Variants in CTNNA2 observed in about 807,000 individuals in gnomAD.
The protein encoded by CTNNA2 is catenin alpha-2.
Under a neutral mutation model 101.0 loss-of-function variants are expected in CTNNA2, and 42 were observed. The ratio of observed to expected loss-of-function variants is 0.42; its 90% CI spans 0.32 to 0.54. The LOEUF (loss-of-function observed/expected upper bound fraction) is 0.54. Among genes scored for constraint, CTNNA2 ranks in the 20% least tolerant of loss-of-function variants. The pLI, the probability that CTNNA2 is intolerant of heterozygous loss-of-function variation, is 0.14. For synonymous variants in CTNNA2, 450 were observed against 456.4 expected (o/e 0.99, Z 0.18); for missense variants, 871 against 1,223.1 (o/e 0.71, Z 4.29).
intron 2 of CTNNA2, among the ~76,000 whole-genome samples, chr2:79,278,719 G>A (rs994324104): frequency 1.3e-5 from 2 of 152,098 alleles, no homozygotes; most frequent in Non-Finnish European, 2.9e-5. Flanking sequence ...TAATTGCCTA[G>A]ACCAACTTGA....
intron 2 of CTNNA2, among the ~76,000 whole-genome samples, chr2:79,295,674 CT>C (rs1018781816): frequency 4.6e-5 from 7 of 151,926 alleles, no homozygotes; most frequent in African/African-American, 1.7e-4. Flanking sequence ...TGGTCAATAG[CT>C]GGGGAATGAA....
At chr2:80,362,045 A>G (rs576292389) in intron 7 of CTNNA2, among the ~76,000 whole-genome samples, 38 of 152,282 alleles carry the variant, frequency 2.5e-4, no homozygotes, top group Non-Finnish European at 4.7e-4. Flanking sequence ...TAGGGTGACC[A>G]TCTGTTTTAG....
intron 3 of CTNNA2, among the ~76,000 whole-genome samples, chr2:79,366,996 C>A (rs1007249263): frequency 3.3e-5 from 5 of 152,166 alleles, no homozygotes; most frequent in East Asian, 1.9e-4. Context: ...TATGTTTAAA[C>A]CCTAATCTCC....
intron 7 of CTNNA2, among the ~76,000 whole-genome samples, chr2:80,154,393 G>A (rs1346764578): frequency 2.0e-5 from 3 of 152,172 alleles, no homozygotes; most frequent in South Asian, 2.1e-4. Context: ...TACTGCTACC[G>A]GGGAGATAGC....
chr2:80,175,840 T>G (rs1453071592), intron 7 of CTNNA2, among the ~76,000 whole-genome samples: 1 of 152,200 alleles, frequency 6.6e-6, no homozygotes. Context: ...GTTGTAGGTC[T>G]AATAGTTCAA....
At chr2:80,439,500 GC>G (rs1277814446) in intron 9 of CTNNA2, among the ~76,000 whole-genome samples, 2 of 152,134 alleles carry the variant, frequency 1.3e-5, no homozygotes, top group Non-Finnish European at 2.9e-5. Context: ...CTGGGTTCAA[GC>G]AATTCTCCTG....
At chr2:80,454,903 C>G (rs1357141617) in intron 9 of CTNNA2, among the ~76,000 whole-genome samples, 1 of 152,218 alleles carries the variant, frequency 6.6e-6, no homozygotes, top group Non-Finnish European at 1.5e-5. Flanking sequence ...AGGCCCAGAG[C>G]CAAAGGTCAG....
chr2:79,798,830 A>G (rs1675924524), intron 3 of CTNNA2, among the ~76,000 whole-genome samples: 1 of 152,190 alleles, frequency 6.6e-6, no homozygotes, highest in Non-Finnish European at 1.5e-5. Flanking sequence ...TATAAAGGAA[A>G]TTCTCCCCAG....
intron 7 of CTNNA2, among the ~76,000 whole-genome samples, chr2:80,145,424 A>G (rs1341696458): frequency 6.6e-6 from 1 of 152,186 alleles, no homozygotes; most frequent in African/African-American, 2.4e-5. Context: ...TGACCTCCAG[A>G]ACTAGCCACT....
At chr2:79,621,046 C>G (rs1251178556) in intron 1 of CTNNA2, among the ~76,000 whole-genome samples, 1 of 152,176 alleles carries the variant, frequency 6.6e-6, no homozygotes, top group Non-Finnish European at 1.5e-5. Context: ...GTACCCATCA[C>G]AGTGGTGACC....
chr2:79,490,051 A>G (rs1037931771), intron 4 of CTNNA2, among the ~76,000 whole-genome samples: 1 of 152,158 alleles, frequency 6.6e-6, no homozygotes, highest in African/African-American at 2.4e-5. Context: ...CTGGTGGCCT[A>G]GTTCTTGCCA....
intron 7 of CTNNA2, among the ~76,000 whole-genome samples, chr2:80,270,051 G>A (rs570024143): frequency 4.0e-4 from 61 of 152,222 alleles, no homozygotes; most frequent in African/African-American, 1.3e-3. Flanking sequence ...CTGTAAGCAG[G>A]CCAAATCCAG....
intron 18 of CTNNA2, 110 bp downstream of exon 18, chr2:80,619,338 A>C: frequency 8.2e-7 from 1 of 1,219,114 alleles, no homozygotes; most frequent in Non-Finnish European, 1.1e-6. Flanking sequence ...AAGGCCTCTT[A>C]ATATTAACCA....
intron 7 of CTNNA2, among the ~76,000 whole-genome samples, chr2:79,930,114 G>A (rs1687286674): frequency 6.6e-6 from 1 of 151,956 alleles, no homozygotes; most frequent in African/African-American, 2.4e-5. Context: ...GTGCGCACCT[G>A]TAGTCCCAGC....
At chr2:80,361,054 C>T (rs957920641) in intron 7 of CTNNA2, among the ~76,000 whole-genome samples, 4 of 151,836 alleles carry the variant, frequency 2.6e-5, no homozygotes, top group African/African-American at 9.7e-5. Flanking sequence ...ACATTTTTTT[C>T]TCCCAGCTGG....
At chr2:79,289,156 A>C (rs1242669832) in intron 2 of CTNNA2, among the ~76,000 whole-genome samples, 1 of 152,116 alleles carries the variant, frequency 6.6e-6, no homozygotes, top group Non-Finnish European at 1.5e-5. Flanking sequence ...GTGATTTGTC[A>C]TTATTGTCTT....
chr2:79,462,087 A>G (rs1670885146), intron 4 of CTNNA2, among the ~76,000 whole-genome samples: 1 of 152,166 alleles, frequency 6.6e-6, no homozygotes, highest in Non-Finnish European at 1.5e-5. Context: ...TACAAATAAG[A>G]ACAAATTTAG....
At chr2:80,452,160 G>C (rs1683573400) in intron 9 of CTNNA2, among the ~76,000 whole-genome samples, 1 of 146,898 alleles carries the variant, frequency 6.8e-6, no homozygotes, top group African/African-American at 2.7e-5. Flanking sequence ...AGCTGAACCT[G>C]TTACATTTCT....
intron 3 of CTNNA2, among the ~76,000 whole-genome samples, chr2:79,763,359 A>G (rs1672929029): frequency 6.6e-6 from 1 of 152,168 alleles, no homozygotes; most frequent in Admixed American, 6.5e-5. Context: ...AATTGGTTTG[A>G]ATTTATTGCA....
Sources: gnomAD v4.1 joint callset for allele counts (sites outside exome capture counted in the v4.1 genomes callset) on GRCh38, gnomAD v4.1.1 for gene constraint, MANE v1.5 for transcripts, NCBI Gene and HGNC (gene_info 2026-07-23, HGNC 2026-07-21) for gene names.